Variants in PCSK2 observed in about 807,000 individuals in gnomAD.
PCSK2 encodes neuroendocrine convertase 2.
In PCSK2, 14 loss-of-function variants were observed where a neutral mutation model predicts 69.7. That is an observed-to-expected ratio of 0.20 (90% confidence interval 0.13 to 0.31). The LOEUF is 0.31. Ranked by LOEUF, PCSK2 falls within the 10% of genes least tolerant of loss-of-function variation. The probability of loss-of-function intolerance (pLI) is 1.00; values close to 1 mark genes in which losing one functional copy is unlikely to be tolerated. For missense variants in PCSK2, 544 were observed against 842.5 expected (o/e 0.65, Z 4.39); for synonymous variants, 307 against 320.7 (o/e 0.96, Z 0.46).
chr20:17,248,083 T>C (rs899559432), intron 1 of PCSK2, among the ~76,000 whole-genome samples: 2 of 152,096 alleles, frequency 1.3e-5, no homozygotes, highest in Non-Finnish European at 2.9e-5. Context: ...AGCTGACAAT[T>C]TGCTGCGAGT....
Position 17,453,665 on chromosome 20 carries a change from C to T in PCSK2, c.886-77C>T. 2 of 1,532,386 alleles carry T rather than the reference C, an allele frequency of 1.3e-6. No individual in the cohort carries two copies. Among genetic ancestry groups the T allele is most frequent in the Middle Eastern group, 1.9e-4 (1 of 5,256 alleles). The allele number at this position is 1,532,386 out of a possible 1,614,324, so 94.9% of individuals were successfully genotyped here. A position where few individuals can be genotyped will look rare whatever the true frequency, so the allele number is the denominator to read the frequency against. ...GGTTCAACTGCTGAAGAAGCCCAAC[C>T]CCTGGGCTGGAGACCTCCCCTGCCC... On this transcript the variant is annotated intron_variant, in intron 8 of 11. Transcript: ENST00000262545. The surrounding 1 kb of genome is among the most constrained non-coding windows in gnomAD (Gnocchi z 4.0).
At chr20:17,419,441 C>T (rs2032074301) in intron 6 of PCSK2, among the ~76,000 whole-genome samples, 1 of 152,192 alleles carries the variant, frequency 6.6e-6, no homozygotes, top group East Asian at 1.9e-4. Context: ...TTTGACCAAA[C>T]AAAATAATAA....
intron 2 of PCSK2, among the ~76,000 whole-genome samples, chr20:17,292,806 T>G (rs1485091583): frequency 6.6e-6 from 1 of 152,084 alleles, no homozygotes; most frequent in East Asian, 1.9e-4. Flanking sequence ...ATACTTTTTC[T>G]TATTAAGTTT....
Position 17,453,412 on chromosome 20 carries a change from A to T in PCSK2, c.886-330A>T, listed in dbSNP as rs1339243684. Among the ~76,000 whole-genome samples the T allele has an allele frequency of 6.6e-6, 1 of 152,184 alleles. No individual in the cohort carries two copies. Among genetic ancestry groups the T allele is most frequent in the East Asian group, 1.9e-4 (1 of 5,198 alleles). ...TTTATTTTCCTTTCCATACAGTTAG[A>T]CTTTTCATTGTGAGCATGTACCACC... On this transcript the variant is annotated intron_variant, in intron 8 of 11. Coordinates refer to ENST00000262545, the MANE Select transcript of PCSK2 (RefSeq NM_002594.5). The surrounding 1 kb of genome is among the most constrained non-coding windows in gnomAD (Gnocchi z 4.0).
chr20:17,234,214 T>A (rs1986248120), intron 1 of PCSK2, among the ~76,000 whole-genome samples: 1 of 152,190 alleles, frequency 6.6e-6, no homozygotes, highest in East Asian at 1.9e-4. Context: ...AGCACACATA[T>A]TTTCACAATA....
intron 2 of PCSK2, among the ~76,000 whole-genome samples, chr20:17,327,508 C>A (rs1990094717): frequency 6.6e-6 from 1 of 152,174 alleles, no homozygotes; most frequent in Non-Finnish European, 1.5e-5. Flanking sequence ...TGCCCTACCC[C>A]GACCCCCACC....
intron 8 of PCSK2, among the ~76,000 whole-genome samples, chr20:17,452,261 C>A (rs2269022): frequency 0.58 from 86,578 of 150,460 alleles, 25,055 homozygotes; most frequent in South Asian, 0.71. Flanking sequence ...GTAGGGATAT[C>A]TATTTCCCTC....
rs1813846371 is a variant in PCSK2 at position 17,481,783 on chromosome 20, G to A, written c.1630G>A (p.Asp544Asn). Residue 544 changes from aspartate (D) to asparagine (N), a missense_variant, in exon 12 of 12, where the codon GAC becomes AAC. This residue lies in a region of PCSK2 where 200 missense variants were observed against 287.8 expected (regional missense o/e 0.69). Transcript: ENST00000262545. ...GCTGAGCCGGCGTCCAAGGGATGAC[G>A]ACTCCAAGGTGGGCTTTGACAAGTG... is the stretch of plus-strand genomic sequence containing the variant. ...ILLSRRPRDD[D>N]SKVGFDKWPF... The A allele has an allele frequency of 6.2e-7, 1 of 1,614,158 alleles. No homozygotes were observed.
intron 2 of PCSK2, among the ~76,000 whole-genome samples, chr20:17,287,391 C>T (rs188053186): frequency 3.4e-5 from 5 of 148,824 alleles, no homozygotes; most frequent in East Asian, 2.0e-4. Flanking sequence ...TTCATGAGGT[C>T]GGGAGGCATT....
intron 6 of PCSK2, among the ~76,000 whole-genome samples, chr20:17,423,434 T>G (rs2032176167): frequency 6.6e-6 from 1 of 152,172 alleles, no homozygotes; most frequent in South Asian, 2.1e-4. Context: ...GTGGCCACTC[T>G]TAGAGGCAAT....
At chr20:17,237,668 A>C (rs952005734) in intron 1 of PCSK2, among the ~76,000 whole-genome samples, 3 of 152,210 alleles carry the variant, frequency 2.0e-5, no homozygotes, top group Non-Finnish European at 4.4e-5. Context: ...TTGGGTCCCC[A>C]GATGTAGGCC....
At chr20:17,428,286 G>T (rs2032288645) in intron 6 of PCSK2, among the ~76,000 whole-genome samples, 1 of 152,150 alleles carries the variant, frequency 6.6e-6, no homozygotes, top group Non-Finnish European at 1.5e-5. Flanking sequence ...GTGACACTGG[G>T]TTTACATATC....
intron 2 of PCSK2, among the ~76,000 whole-genome samples, chr20:17,345,670 C>G (rs1048198116): frequency 2.6e-5 from 4 of 152,194 alleles, no homozygotes; most frequent in Non-Finnish European, 5.9e-5. Flanking sequence ...TCAGAACATG[C>G]ACAAATCAGA....
rs144244741 is a variant in PCSK2 at position 17,376,268 on chromosome 20, C to T, written c.543+6991C>T. Among the ~76,000 whole-genome samples, 251 of 152,164 alleles carry T rather than the reference C, an allele frequency of 1.6e-3. 2 individuals are homozygous for T. The highest frequency in any genetic ancestry group is 5.0e-3 in the African/African-American group (208 of 41,532). On this transcript the variant is annotated intron_variant, in intron 5 of 11. Transcript: ENST00000262545. ...CACAGAAACAAGCAAGCCAGCCAAG[C>T]TCAGCAGAGCTGCCTAGCTGAGCCC... is the stretch of plus-strand genomic sequence containing the variant.
intron 2 of PCSK2, among the ~76,000 whole-genome samples, chr20:17,333,937 G>C (rs200274001): frequency 1.4e-5 from 1 of 69,610 alleles, no homozygotes; most frequent in Non-Finnish European, 2.9e-5. Flanking sequence ...ATATATATAT[G>C]GCTTCAAATC....
intron 2 of PCSK2, among the ~76,000 whole-genome samples, chr20:17,286,782 C>T (rs1461879640): frequency 6.6e-6 from 1 of 152,172 alleles, no homozygotes; most frequent in Non-Finnish European, 1.5e-5. Context: ...CACCCTCTGC[C>T]CTGGTCTCCA....
At chr20:17,260,643 T>C (rs535763931) in intron 2 of PCSK2, among the ~76,000 whole-genome samples, 2 of 152,144 alleles carry the variant, frequency 1.3e-5, no homozygotes, top group East Asian at 3.9e-4. Context: ...TGGGAACATG[T>C]TTTGGCCTGT....
At chr20:17,285,401 G>C (rs934187987) in intron 2 of PCSK2, among the ~76,000 whole-genome samples, 1 of 152,156 alleles carries the variant, frequency 6.6e-6, no homozygotes, top group South Asian at 2.1e-4. Flanking sequence ...TTGGAAAATG[G>C]CTGTTATTTC....
chr20:17,423,323 G>A (rs1415482710), intron 6 of PCSK2, among the ~76,000 whole-genome samples: 1 of 152,168 alleles, frequency 6.6e-6, no homozygotes, highest in Non-Finnish European at 1.5e-5. Context: ...GCAATTGGTT[G>A]AATTATTACC....
Sources: allele counts gnomAD v4.1 joint callset (sites outside exome capture counted in the v4.1 genomes callset), GRCh38; gene constraint gnomAD v4.1.1; regional missense constraint gnomAD v4.1.1; non-coding constraint Gnocchi (gnomAD v3.1); transcripts MANE v1.5; gene names NCBI Gene and HGNC (gene_info 2026-07-23, HGNC 2026-07-21).